Variants in GLYATL1 observed in about 807,000 individuals in gnomAD.
GLYATL1 encodes glycine-N-acyltransferase like 1.
In GLYATL1, 15 loss-of-function variants were observed where a neutral mutation model predicts 20.0. The ratio of observed to expected loss-of-function variants is 0.75; its 90% CI spans 0.50 to 1.15. The LOEUF is 1.15. Ranked by LOEUF, GLYATL1 falls within the 50% of genes most tolerant of loss-of-function variation. The probability of loss-of-function intolerance (pLI) is 0.00; values close to 1 mark genes in which losing one functional copy is unlikely to be tolerated. For missense variants in GLYATL1, 380 were observed against 368.5 expected, an observed-to-expected ratio of 1.03 and a Z score of -0.26; for synonymous variants, 151 against 131.5, an observed-to-expected ratio of 1.15 and a Z score of -1.01.
chr11:58,915,822 T>C (rs1004490451), intron 1 of GLYATL1, among the ~76,000 whole-genome samples: 1 of 152,194 alleles, frequency 6.6e-6, no homozygotes, highest in African/African-American at 2.4e-5. Context: ...CCAGGATTTT[T>C]ACCAGGTCTC....
chr11:58,955,982 G>A lies in GLYATL1; in HGVS notation c.864G>A (p.Glu288=), dbSNP rs1857396740. The change falls in exon 7 of 7, where the codon GAG becomes GAA. Residue 288 remains glutamate, a synonymous_variant. Coordinates refer to ENST00000532726, the MANE Select transcript of GLYATL1 (RefSeq NM_001389712.2). ...TTGGTTTCTTTGAGGCCTCCTGTGAGTGGCACCAATGGACTTGCTACCCAC... is the reference window on the plus strand; with the variant it reads ...TTGGTTTCTTTGAGGCCTCCTGTGAATGGCACCAATGGACTTGCTACCCAC... ...GQFGFFEASC[E]WHQWTCYPQN... The A allele has an allele frequency of 3.7e-6, 6 of 1,613,790 alleles. No individual in the cohort carries two copies. Among genetic ancestry groups the A allele is most frequent in the Admixed American group, 1.7e-5 (1 of 60,016 alleles).
intron 1 of GLYATL1, chr11:58,928,769 T>C (rs1031893555): frequency 1.3e-5 from 2 of 152,216 alleles, no homozygotes; most frequent in African/African-American, 2.4e-5. Flanking sequence ...TAAACACACT[T>C]GTGGATAATT....
intron 1 of GLYATL1, chr11:58,943,189 C>T: frequency 7.5e-7 from 1 of 1,326,554 alleles, no homozygotes; most frequent in Non-Finnish European, 9.9e-7. Flanking sequence ...TGTAACGTAG[C>T]TTAATCATCA....
At chr11:58,945,259 G>A (rs1452479593) in intron 2 of GLYATL1, among the ~76,000 whole-genome samples, 1 of 152,080 alleles carries the variant, frequency 6.6e-6, no homozygotes, top group Non-Finnish European at 1.5e-5. Flanking sequence ...TTTAAAGAAG[G>A]TGGGGAGGGG....
intron 4 of GLYATL1, among the ~76,000 whole-genome samples, chr11:58,950,770 ATGGCATCTTAT>A (rs1681289413): frequency 6.6e-6 from 1 of 152,134 alleles, no homozygotes; most frequent in African/African-American, 2.4e-5. Context: ...TGGGTGAAAA[ATGGCATCTTAT>A]TGTGGATTTA....
At position 58,922,571 on chromosome 11, in the gene GLYATL1, G is replaced by C. The variant is rs540926037; in HGVS notation, n.264+16910G>C. On this transcript the variant is annotated intron_variant and non_coding_transcript_variant, in intron 1 of 2. Coordinates refer to the GLYATL1 transcript ENST00000534674. ...TTCCTCCCTCTCCGGTGAGACTGGG[G>C]ACATGTATCCATTTGAGCTTGACTC... Among the ~76,000 whole-genome samples, 44 of 152,238 alleles carry C rather than the reference G, an allele frequency of 2.9e-4. 1 individual carries two copies. Among genetic ancestry groups the C allele is most frequent in the African/African-American group, 9.1e-4 (38 of 41,552 alleles).
chr11:58,927,782 CTG>C (rs1265079403), exon 1 of GLYATL1: 1 of 152,186 alleles, frequency 6.6e-6, no homozygotes, highest in Admixed American at 6.5e-5. Context: ...GAACTGATAA[CTG>C]TAGTGTATCC....
chr11:58,940,783 C>T (rs953236289), intron 1 of GLYATL1, among the ~76,000 whole-genome samples: 2 of 152,044 alleles, frequency 1.3e-5, no homozygotes, highest in Admixed American at 1.3e-4. Flanking sequence ...AACAGAGACC[C>T]CCTCCCCCAT....
At chr11:58,953,870 T>C (rs1216591732) in intron 4 of GLYATL1, among the ~76,000 whole-genome samples, 1 of 152,192 alleles carries the variant, frequency 6.6e-6, no homozygotes, top group East Asian at 1.9e-4. Context: ...CGCTCACACT[T>C]ATTGTTTATA....
upstream of GLYATL1, among the ~76,000 whole-genome samples, chr11:58,925,239 T>C (rs1347208973): frequency 6.6e-6 from 1 of 152,198 alleles, no homozygotes. Context: ...TAATGTCTAG[T>C]TTACAGAAAA....
intron 6 of GLYATL1, 38 bp from the exon 7 acceptor site, chr11:58,955,572 G>A (rs763484302): frequency 6.3e-7 from 1 of 1,595,458 alleles, no homozygotes; most frequent in South Asian, 1.1e-5. Context: ...TACAGGATTG[G>A]GGATGAAAGT....
intron 4 of GLYATL1, 54 bp downstream of exon 4, chr11:58,948,019 A>G: frequency 8.6e-7 from 1 of 1,164,984 alleles, no homozygotes; most frequent in Non-Finnish European, 1.3e-6. Context: ...GGGCCTGAGG[A>G]ACTGACCAGT....
intron 1 of GLYATL1, among the ~76,000 whole-genome samples, chr11:58,914,951 C>T (rs777071039): frequency 1.3e-5 from 2 of 152,156 alleles, no homozygotes; most frequent in Non-Finnish European, 2.9e-5. Context: ...TCCAGCTGCG[C>T]CCCAAGGCTT....
At position 58,954,765 on chromosome 11, in the gene GLYATL1, T is replaced by C. The variant is rs1350163829; in HGVS notation, c.187-5T>C. 2 of 1,599,034 alleles carry C rather than the reference T, an allele frequency of 1.3e-6. No homozygotes were observed. Among genetic ancestry groups the C allele is most frequent in the South Asian group, 2.3e-5 (2 of 87,728 alleles). ...AATGACCTGATCTTATATCATCCAA[T>C]ACAGGAGATGACTGATGACATGGAT... On this transcript the variant is annotated splice_region_variant and splice_polypyrimidine_tract_variant and intron_variant, in intron 4 of 6. Coordinates refer to ENST00000532726, the MANE Select transcript of GLYATL1 (RefSeq NM_001389712.2).
At position 58,955,638 on chromosome 11, in the gene GLYATL1, C is replaced by T. The variant is rs1218103593; in HGVS notation, c.520C>T (p.Leu174=). The change falls in exon 7 of 7, where the codon CTG becomes TTG. Residue 174 remains leucine (L), a synonymous_variant. Coordinates refer to ENST00000532726, the MANE Select transcript of GLYATL1 (RefSeq NM_001389712.2). ...SETPNFKYAQ[L]DVSYSGLVND... The stretch of plus-strand genomic sequence containing the variant: ...AACTCCCAACTTTAAGTATGCCCAG[C>T]TGGATGTCTCTTATTCTGGGCTGGT... 2 of 1,614,112 alleles carry T rather than the reference C, an allele frequency of 1.2e-6. No homozygotes were observed. The highest frequency in any genetic ancestry group is 2.2e-5 in the East Asian group (1 of 44,884).
chr11:58,924,356 T>G (rs1855376360), upstream of GLYATL1, among the ~76,000 whole-genome samples: 1 of 152,190 alleles, frequency 6.6e-6, no homozygotes, highest in Non-Finnish European at 1.5e-5. Flanking sequence ...GGTAGGGTAA[T>G]CAGACTTAAC....
chr11:58,950,416 G>A (rs966967705), intron 4 of GLYATL1, among the ~76,000 whole-genome samples: 9 of 152,122 alleles, frequency 5.9e-5, no homozygotes, highest in Non-Finnish European at 1.3e-4. Context: ...TAAAGTATTC[G>A]TTTTAATAAC....
chr11:58,955,374 C>T (rs756224372), intron 6 of GLYATL1, 21 bp downstream of exon 6: 2 of 1,594,608 alleles, frequency 1.3e-6, no homozygotes, highest in Non-Finnish European at 1.7e-6. Context: ...ATGTGCTGAT[C>T]ATTTATAATT....
At chr11:58,908,723 G>A (rs973834917), downstream of GLYATL1, 3 of 152,172 alleles carry the variant, frequency 2.0e-5, no homozygotes, top group African/African-American at 7.2e-5. Context: ...AAATGATAGG[G>A]TATGAGTTAA....
Sources: gnomAD v4.1 joint callset for allele counts (sites outside exome capture counted in the v4.1 genomes callset) on GRCh38, gnomAD v4.1.1 for gene constraint, MANE v1.5 for transcripts, NCBI Gene and HGNC (gene_info 2026-07-23, HGNC 2026-07-21) for gene names.